The following SEMA3G variants were observed in gnomAD, a reference collection of about 807,000 sequenced individuals.
SEMA3G encodes the protein semaphorin 3G.
A neutral mutation model predicts 86.2 loss-of-function variants in SEMA3G; 70 were observed. That is an observed-to-expected ratio of 0.81 (90% CI 0.67 to 0.99). SEMA3G has a LOEUF of 0.99. Among genes scored for constraint, SEMA3G ranks in the 50% least tolerant of loss-of-function variants. The pLI is 0.00. For synonymous variants in SEMA3G, 416 were observed against 441.4 expected, an observed-to-expected ratio of 0.94 and a Z score of 0.72; for missense variants, 1,002 against 1,072.4, an observed-to-expected ratio of 0.93 and a Z score of 0.92.
chr3:52,435,525 T>C lies in SEMA3G; in HGVS notation c.*78A>G. ...AACAGACATCCTGACCCCTCTGCCC[T>C]AGCTGGGTGGGTGGGAGATGCTGGG... On this transcript the variant is annotated 3_prime_UTR_variant, in exon 16 of 16. Transcript: ENST00000231721. The C allele has an allele frequency of 7.1e-7, 1 of 1,409,336 alleles. No individual in the cohort carries two copies. Among genetic ancestry groups the C allele is most frequent in the Non-Finnish European group, 9.7e-7 (1 of 1,027,998 alleles). The allele number at this position is 1,409,336 out of a possible 1,614,324, so 87.3% of individuals were successfully genotyped here.
At chr3:52,439,079 T>G in intron 12 of SEMA3G, 118 bp from the exon 13 acceptor site, 1 of 1,054,578 alleles carries the variant, frequency 9.5e-7, no homozygotes, top group Non-Finnish European at 1.4e-6. Context: ...GGCTGGGTCT[T>G]GCACTCCCTG....
rs775815765 is a variant in SEMA3G, at chr3:52,442,123, C to T, written c.459+62G>A. 358 of 1,558,448 alleles carry T rather than the reference C, an allele frequency of 2.3e-4. 4 individuals carry two copies. In the South Asian group the frequency reaches 4.0e-3, roughly 18 times the overall value. On this transcript the variant is annotated intron_variant, in intron 4 of 15. Coordinates refer to ENST00000231721, the MANE Select transcript of SEMA3G (RefSeq NM_020163.3). This position sits in a 1 kb window ranked among gnomAD's most constrained non-coding sequence, Gnocchi z 6.1. ...CCTACCCAGGCTCAATGGGAATGTT[C>T]AGGCAGCAGGGAGGAAATGTCACTG...
In SEMA3G at chr3:52,440,506, G is replaced by T; in HGVS notation, c.1014C>A (p.Gly338=). ...LFSTVSAVFQ[G]FAVCVYHMAD... ...CCATGTGGTACACACAGACGGCGAA[G>T]CCCTGGAACACGGCACTGCCGGGGC... The change falls in exon 10 of 16, where the codon GGC becomes GGA. Residue 338 remains glycine (G), a synonymous_variant. Transcript: ENST00000231721. 1.9e-6 allele frequency: 3 copies of T among 1,610,308 alleles called. No homozygotes were observed. Among genetic ancestry groups the T allele is most frequent in the Non-Finnish European group, 2.5e-6 (3 of 1,178,954 alleles).
Position 52,442,012 on chromosome 3 carries a change from G to T in SEMA3G, c.460-103C>A. On this transcript the variant is annotated intron_variant, in intron 4 of 15. Coordinates refer to ENST00000231721, the MANE Select transcript of SEMA3G (RefSeq NM_020163.3). This position sits in a 1 kb window ranked among gnomAD's most constrained non-coding sequence, Gnocchi z 6.1. ...TCGCGTGCGGCCAGAGAGCGGGGGTGGGCGGAAGGCGTCCTCATCCAGGGC... is the reference window on the plus strand; with the variant it reads ...TCGCGTGCGGCCAGAGAGCGGGGGTTGGCGGAAGGCGTCCTCATCCAGGGC... 1.5e-6 allele frequency: 2 copies of T among 1,308,438 alleles called. No individual in the cohort carries two copies. Among genetic ancestry groups the T allele is most frequent in the South Asian group, 1.4e-5 (1 of 73,678 alleles). The allele number at this position is 1,308,438 out of a possible 1,614,324, so 81.1% of individuals were successfully genotyped here. A position where few individuals can be genotyped will look rare whatever the true frequency, so the allele number is the denominator to read the frequency against.
intron 12 of SEMA3G, among the ~76,000 whole-genome samples, chr3:52,439,384 G>T (rs1327886326): frequency 6.6e-6 from 1 of 152,116 alleles, no homozygotes; most frequent in African/African-American, 2.4e-5. Flanking sequence ...TCCTACAGGG[G>T]TTTGCAGAAG....
At chr3:52,441,948 G>T in intron 4 of SEMA3G, 39 bp from the exon 5 acceptor site, 1 of 1,472,674 alleles carries the variant, frequency 6.8e-7, no homozygotes, top group Non-Finnish European at 9.3e-7. Flanking sequence ...GCGTCACCTG[G>T]GAGAGAAGCA....
Position 52,440,453 on chromosome 3 carries a change from G to A in SEMA3G, c.1067C>T (p.Pro356Leu). 6.2e-7 allele frequency: 1 copy of A among 1,602,274 alleles called. No homozygotes were observed. The highest frequency in any genetic ancestry group is 1.1e-5 in the South Asian group (1 of 89,826). Reference sequence around the variant, plus strand: ...CTGAGGCCCATCTCGGTGGGCAAAGGGCCCGTTGAAAACCTCCCAGATGTC... The same window carrying A: ...CTGAGGCCCATCTCGGTGGGCAAAGAGCCCGTTGAAAACCTCCCAGATGTC... Reference protein sequence around the residue: ...MADIWEVFNGPFAHRDGPQHQ... With the variant: ...MADIWEVFNGLFAHRDGPQHQ... The change falls in exon 10 of 16, where the codon CCC becomes CTC. Residue 356 changes from proline (P) to leucine (L), a missense_variant. Transcript: ENST00000231721.
chr3:52,442,032 C>A lies in SEMA3G; in HGVS notation c.460-123G>T. The A allele has an allele frequency of 7.5e-7, 1 of 1,325,262 alleles. No homozygotes were observed. Among genetic ancestry groups the A allele is most frequent in the Non-Finnish European group, 1.0e-6 (1 of 967,458 alleles). The allele number at this position is 1,325,262 out of a possible 1,614,324, so 82.1% of individuals were successfully genotyped here. On this transcript the variant is annotated intron_variant, in intron 4 of 15. Transcript: ENST00000231721. The surrounding 1 kb of genome is among the most constrained non-coding windows in gnomAD (Gnocchi z 6.1). ...GGGGTGGGCGGAAGGCGTCCTCATC[C>A]AGGGCCCCTCTAATGGGGTCAGCTC...
rs1341045725 is a variant in SEMA3G at position 52,441,622 on chromosome 3, C to T, written c.619G>A (p.Gly207Ser). ...TCGGAACGCAGAGCTGGCCGAGGAC[C>T]TCCACTTCGGAAGATCATGGCCTCT... ...GREAMIFRSG[G>S]PRPALRSDSD... Residue 207 changes from glycine to serine, a missense_variant, in exon 6 of 16, where the codon GGT becomes AGT. Gly to Ser is a moderately conservative substitution (Grantham distance 56, BLOSUM62 0). Transcript: ENST00000231721. 2 of 1,613,624 alleles carry T rather than the reference C, an allele frequency of 1.2e-6. No individual in the cohort carries two copies. The highest frequency in any genetic ancestry group is 1.7e-6 in the Non-Finnish European group (2 of 1,180,014).
Position 52,435,531 on chromosome 3 carries a change from G to C in SEMA3G, c.*72C>G. 1 of 1,439,760 alleles carries C rather than the reference G, an allele frequency of 6.9e-7. No individual in the cohort carries two copies. Among genetic ancestry groups the C allele is most frequent in the East Asian group, 2.3e-5 (1 of 43,846 alleles). 89.2% of individuals were successfully genotyped at this position (1,439,760 alleles called of 1,614,324 possible). On this transcript the variant is annotated 3_prime_UTR_variant, in exon 16 of 16. Transcript: ENST00000231721. ...CATCCTGACCCCTCTGCCCTAGCTG[G>C]GTGGGTGGGAGATGCTGGGGGCTGC...
chr3:52,439,822 C>G (rs1260914860), intron 11 of SEMA3G, 45 bp downstream of exon 11: 17 of 1,609,946 alleles, frequency 1.1e-5, no homozygotes, highest in Non-Finnish European at 1.3e-5. Flanking sequence ...AGCCAGAGAC[C>G]CCACACCCCT....
At position 52,435,979 on chromosome 3, in the gene SEMA3G, A is replaced by C. The variant is rs572086601; in HGVS notation, c.1973T>G (p.Leu658Arg). Residue 658 changes from leucine (L) to arginine (R), a missense_variant, in exon 16 of 16, where the codon CTG becomes CGG. Coordinates refer to ENST00000231721, the MANE Select transcript of SEMA3G (RefSeq NM_020163.3). Reference protein sequence around the residue: ...FDAGTYTCTTLEHGFSQTVVR... With the variant: ...FDAGTYTCTTREHGFSQTVVR... ...CACAGTCTGGGAGAAGCCATGCTCCAGAGTGGTGCAGGTGTAGGTGCCCGC... is the reference window on the plus strand; with the variant it reads ...CACAGTCTGGGAGAAGCCATGCTCCCGAGTGGTGCAGGTGTAGGTGCCCGC... The C allele has an allele frequency of 1.4e-5, 22 of 1,613,872 alleles. No individual in the cohort carries two copies. Among genetic ancestry groups the C allele is most frequent in the Non-Finnish European group, 1.9e-5 (22 of 1,180,054 alleles).
At chr3:52,438,771 C>G in intron 13 of SEMA3G, 149 bp downstream of exon 13, 1 of 1,481,252 alleles carries the variant, frequency 6.8e-7, no homozygotes. Context: ...CCACTGGCCA[C>G]TTGTTGCAGG....
rs567440216 is a variant in SEMA3G, at chr3:52,444,901, A to G, written c.115+12T>C. The G allele has an allele frequency of 3.8e-6, 5 of 1,303,628 alleles. No homozygotes were observed. Among genetic ancestry groups the G allele is most frequent in the East Asian group, 3.1e-5 (1 of 31,990 alleles). 80.8% of individuals were successfully genotyped at this position (1,303,628 alleles called of 1,614,324 possible). A position where few individuals can be genotyped will look rare whatever the true frequency, so the allele number is the denominator to read the frequency against. On this transcript the variant is annotated intron_variant, in intron 1 of 15. Coordinates refer to ENST00000231721, the MANE Select transcript of SEMA3G (RefSeq NM_020163.3). ...GCACATGCACACAAACAGGGCACGC[A>G]GGGGCTGGTACCTCGGTAGGAGAGC...
In SEMA3G at chr3:52,438,040, G is replaced by C; in HGVS notation, c.1669C>G (p.Arg557Gly). 1 of 1,613,144 alleles carries C rather than the reference G, an allele frequency of 6.2e-7. No individual in the cohort carries two copies. The highest frequency in any genetic ancestry group is 1.1e-5 in the South Asian group (1 of 91,078). ...CGGATGTCCTGCCGGCGGAACCGGC[G>C]CTTGCCAAGGCTGGGGCGGTAGTGG... ...CTHYRPSLGK[R>G]RFRRQDIRHG... The change falls in exon 14 of 16, where the codon CGC (arginine) becomes GGC (glycine). Residue 557 changes from arginine to glycine, a missense_variant. Arg to Gly is a moderately radical substitution (Grantham distance 125). Transcript: ENST00000231721.
intron 1 of SEMA3G, 179 bp from the exon 2 acceptor site, chr3:52,443,086 C>T (rs1327856207): frequency 1.1e-5 from 17 of 1,526,384 alleles, no homozygotes; most frequent in East Asian, 2.5e-5. Context: ...ACAGGTGGGA[C>T]GGGAGGCTCA....
At position 52,439,977 on chromosome 3, in the gene SEMA3G, T is replaced by C. The variant is rs745772651; in HGVS notation, c.1265A>G (p.His422Arg). 5 of 1,613,658 alleles carry C rather than the reference T, an allele frequency of 3.1e-6. No homozygotes were observed. In the Admixed American group the frequency reaches 6.7e-5, roughly 22 times the overall value. The change falls in exon 11 of 16, where the codon CAT becomes CGT. Residue 422 changes from histidine to arginine, a missense_variant. Coordinates refer to ENST00000231721, the MANE Select transcript of SEMA3G (RefSeq NM_020163.3). ...PLMFWPVRPR[H>R]GRPVLVKTHL... is the part of the protein sequence containing the mutation. ...GGTCTTGACAAGGACAGGGCGGCCA[T>C]GTCGAGGCCGCACAGGCCAGAACAT...
rs1489947360 is a variant in SEMA3G at position 52,436,089 on chromosome 3, G to A, written c.1879-16C>T. The A allele has an allele frequency of 6.3e-7, 1 of 1,595,536 alleles. No individual in the cohort carries two copies. Among genetic ancestry groups the A allele is most frequent in the African/African-American group, 1.3e-5 (1 of 74,824 alleles). Reference sequence around the variant, plus strand: ...CCGTCTTCACCTGCCATGCGGGCGGGAGGGCGTGAGTAGGGTGCAAGGTGG... The same window carrying A: ...CCGTCTTCACCTGCCATGCGGGCGGAAGGGCGTGAGTAGGGTGCAAGGTGG... On this transcript the variant is annotated splice_polypyrimidine_tract_variant and intron_variant, in intron 15 of 15. Coordinates refer to ENST00000231721, the MANE Select transcript of SEMA3G (RefSeq NM_020163.3).
intron 1 of SEMA3G, among the ~76,000 whole-genome samples, chr3:52,443,830 C>T (rs1011930423): frequency 6.6e-6 from 1 of 152,208 alleles, no homozygotes; most frequent in African/African-American, 2.4e-5. Flanking sequence ...CAGGGACGAG[C>T]GCCATCTCCC....
Sources: allele counts gnomAD v4.1 joint callset (sites outside exome capture counted in the v4.1 genomes callset), GRCh38; gene constraint gnomAD v4.1.1; non-coding constraint Gnocchi (gnomAD v3.1); transcripts MANE v1.5; gene names NCBI Gene and HGNC (gene_info 2026-07-23, HGNC 2026-07-21).